The following NLK variants were observed in gnomAD, a reference collection of about 807,000 sequenced individuals.
NLK encodes the protein serine/threonine-protein kinase NLK.
A neutral mutation model predicts 59.0 loss-of-function variants in NLK; 11 were observed. The ratio of observed to expected loss-of-function variants is 0.19; its 90% CI spans 0.12 to 0.31. NLK has a LOEUF of 0.31. Ranked by LOEUF, NLK falls within the 10% of genes least tolerant of loss-of-function variation. The probability of loss-of-function intolerance (pLI) is 1.00; values close to 1 mark genes in which losing one functional copy is unlikely to be tolerated. For synonymous variants in NLK, 235 were observed against 235.9 expected (o/e 1.00, Z 0.03); for missense variants, 410 against 661.1 (o/e 0.62, Z 4.16).
Position 28,195,537 on chromosome 17 carries a change from A to G in NLK, c.*901A>G, listed in dbSNP as rs1289629799. ...TCCTGCACTGGACAGTAAAAAAATAATAAAAGACAAAAACAAATTTAAAAA... is the reference window on the plus strand; with the variant it reads ...TCCTGCACTGGACAGTAAAAAAATAGTAAAAGACAAAAACAAATTTAAAAA... On this transcript the variant is annotated 3_prime_UTR_variant, in exon 11 of 11. Coordinates refer to ENST00000407008, the MANE Select transcript of NLK (RefSeq NM_016231.5). 6.6e-6 allele frequency: 1 copy of G among 152,492 alleles called. No homozygotes were observed. The highest frequency in any genetic ancestry group is 1.5e-5 in the Non-Finnish European group (1 of 68,016). The allele number at this position is 152,492 out of a possible 1,614,324, so 9.4% of individuals were successfully genotyped here. A position where few individuals can be genotyped will look rare whatever the true frequency, so the allele number is the denominator to read the frequency against.
chr17:28,048,234 TCCATAG>T, intron 1 of NLK: 1 of 340,114 alleles, frequency 2.9e-6, no homozygotes. Flanking sequence ...TGGTTGAAAC[TCCATAG>T]CCTATAACGT....
At chr17:28,068,530 G>A (rs963624401) in intron 1 of NLK, among the ~76,000 whole-genome samples, 4 of 152,054 alleles carry the variant, frequency 2.6e-5, no homozygotes, top group Non-Finnish European at 5.9e-5. Flanking sequence ...TACCATTTTG[G>A]GGGGGAATTT....
downstream of NLK, chr17:28,196,490 T>G (rs147613467): frequency 1.8e-4 from 27 of 152,426 alleles, no homozygotes; most frequent in African/African-American, 6.3e-4. Flanking sequence ...ATTTCCACTT[T>G]GATCTTTGAG....
At chr17:28,149,246 T>A (rs1907384280) in intron 3 of NLK, among the ~76,000 whole-genome samples, 1 of 152,162 alleles carries the variant, frequency 6.6e-6, no homozygotes, top group South Asian at 2.1e-4. Flanking sequence ...AATTTTTTTG[T>A]AGAGACGGGA....
At chr17:28,103,673 G>C (rs1172760733) in intron 1 of NLK, among the ~76,000 whole-genome samples, 1 of 152,144 alleles carries the variant, frequency 6.6e-6, no homozygotes, top group Non-Finnish European at 1.5e-5. Flanking sequence ...CAAAAATCTA[G>C]TGTCTTCTTA....
intron 3 of NLK, among the ~76,000 whole-genome samples, chr17:28,152,990 T>G (rs1907548091): frequency 6.6e-6 from 1 of 151,620 alleles, no homozygotes; most frequent in East Asian, 1.9e-4. Flanking sequence ...AGCTCAAGTT[T>G]CGGCCAGGCA....
At chr17:28,158,560 T>C (rs1249818855) in intron 3 of NLK, among the ~76,000 whole-genome samples, 1 of 152,234 alleles carries the variant, frequency 6.6e-6, no homozygotes, top group African/African-American at 2.4e-5. Flanking sequence ...TTTTTAATTT[T>C]GTTAAATATT....
chr17:28,164,448 A>T (rs1343942130), intron 5 of NLK, among the ~76,000 whole-genome samples: 1 of 152,048 alleles, frequency 6.6e-6, no homozygotes, highest in Non-Finnish European at 1.5e-5. Context: ...TCCATAATGT[A>T]TAGTAGCCAA....
chr17:28,163,546 T>C lies in NLK; in HGVS notation c.755T>C (p.Leu252Ser). The part of the protein sequence containing the change: ...KVFLYQILRG[L>S]KYLHSAGILH... ...TTAAATCTGTTTGTTATTTCAGGTT[T>C]GAAATATCTCCATTCAGCTGGCATT... Residue 252 changes from leucine to serine, a missense_variant, in exon 5 of 11, where the codon TTG becomes TCG. Coordinates refer to ENST00000407008, the MANE Select transcript of NLK (RefSeq NM_016231.5). The C allele has an allele frequency of 5.1e-6, 8 of 1,583,506 alleles. No individual in the cohort carries two copies. The highest frequency in any genetic ancestry group is 6.9e-6 in the Non-Finnish European group (8 of 1,155,964).
At chr17:28,069,135 G>C (rs1175407347) in intron 1 of NLK, among the ~76,000 whole-genome samples, 4 of 152,090 alleles carry the variant, frequency 2.6e-5, no homozygotes, top group Non-Finnish European at 5.9e-5. Context: ...GATTAGTTTT[G>C]CTTGTTCTTA....
At chr17:28,043,437 G>A (rs1207410450) in intron 1 of NLK, 106 bp downstream of exon 1, 2 of 1,033,470 alleles carry the variant, frequency 1.9e-6, no homozygotes, top group African/African-American at 1.6e-5. Flanking sequence ...GGTGCAGCAA[G>A]CTTCTCAACC....
At chr17:28,181,488 G>T (rs1908903028) in intron 7 of NLK, among the ~76,000 whole-genome samples, 1 of 151,662 alleles carries the variant, frequency 6.6e-6, no homozygotes, top group Non-Finnish European at 1.5e-5. Context: ...AGGATCACTT[G>T]AGGCTGGGAG....
chr17:28,090,692 G>A (rs181538582), intron 1 of NLK, among the ~76,000 whole-genome samples: 1 of 151,938 alleles, frequency 6.6e-6, no homozygotes, highest in East Asian at 1.9e-4. Flanking sequence ...AAAACATAGC[G>A]GGAGCTTGTT....
In NLK at chr17:28,073,944, T is replaced by C. The variant is rs34337142; in HGVS notation, c.458+30613T>C. On this transcript the variant is annotated intron_variant, in intron 1 of 10. Coordinates refer to ENST00000407008, the MANE Select transcript of NLK (RefSeq NM_016231.5). ...ATTCACTAAAGTTTGTTGAATTGAGTTTTCAAAGTCTTTATAACCAACTCT... is the reference window on the plus strand; with the variant it reads ...ATTCACTAAAGTTTGTTGAATTGAGCTTTCAAAGTCTTTATAACCAACTCT... 6.3e-3 allele frequency among the ~76,000 whole-genome samples: 965 copies of C among 152,316 alleles called. 7 individuals carry two copies. The highest frequency in any genetic ancestry group is 0.023 in the African/African-American group (941 of 41,558).
intron 1 of NLK, among the ~76,000 whole-genome samples, chr17:28,102,760 TAGAA>T (rs1904947040): frequency 6.6e-6 from 1 of 152,174 alleles, no homozygotes; most frequent in African/African-American, 2.4e-5. Context: ...TTGGCAGACT[TAGAA>T]AGCCTAATGA....
At chr17:28,057,998 A>G (rs190169777) in intron 1 of NLK, among the ~76,000 whole-genome samples, 81 of 152,344 alleles carry the variant, frequency 5.3e-4, no homozygotes, top group Middle Eastern at 3.4e-3. Flanking sequence ...ATAAGATACT[A>G]TGTTTACAAG....
intron 3 of NLK, among the ~76,000 whole-genome samples, chr17:28,144,517 G>A (rs1224669371): frequency 6.6e-6 from 1 of 151,854 alleles, no homozygotes; most frequent in Non-Finnish European, 1.5e-5. Flanking sequence ...GCTCCCAACT[G>A]TTAGAGGGTA....
intron 1 of NLK, among the ~76,000 whole-genome samples, chr17:28,105,171 T>G (rs559170024): frequency 2.0e-5 from 3 of 152,296 alleles, no homozygotes; most frequent in African/African-American, 7.2e-5. Flanking sequence ...GGTTCGAGGT[T>G]TCTGTCACAG....
intron 1 of NLK, among the ~76,000 whole-genome samples, chr17:28,085,364 A>C (rs1440235126): frequency 6.6e-6 from 1 of 152,232 alleles, no homozygotes; most frequent in Non-Finnish European, 1.5e-5. Flanking sequence ...AAACAAGCGA[A>C]GAAAGTACAT....
Sources: gnomAD v4.1 joint callset for allele counts (sites outside exome capture counted in the v4.1 genomes callset) on GRCh38, gnomAD v4.1.1 for gene constraint, MANE v1.5 for transcripts, NCBI Gene and HGNC (gene_info 2026-07-23, HGNC 2026-07-21) for gene names.